Variants in LMBR1 observed in about 807,000 individuals in gnomAD.
LMBR1 encodes limb region 1 protein homolog.
Under a neutral mutation model 73.9 loss-of-function variants are expected in LMBR1, and 52 were observed. The ratio of observed to expected loss-of-function variants is 0.70; its 90% CI spans 0.56 to 0.89. The LOEUF (loss-of-function observed/expected upper bound fraction) is 0.89. LMBR1 is among the 40% of genes least tolerant of loss of function. LMBR1 has a pLI of 0.00. For synonymous variants in LMBR1, 215 were observed against 209.4 expected (o/e 1.03, Z -0.23); for missense variants, 539 against 579.8 (o/e 0.93, Z 0.72).
chr7:156,830,917 G>A lies in LMBR1; in HGVS notation c.179+2836C>T, dbSNP rs1014494601. ...TGAACGAACACAAGCGAACATTCTTGCCCAAGGAGGGCTTATCCTGGACTG... is the reference window on the plus strand; with the variant it reads ...TGAACGAACACAAGCGAACATTCTTACCCAAGGAGGGCTTATCCTGGACTG... On this transcript the variant is annotated intron_variant, in intron 3 of 16. Transcript: ENST00000353442. Among the ~76,000 whole-genome samples, 2 of 152,166 alleles carry A rather than the reference G, an allele frequency of 1.3e-5. 1 individual carries two copies.
Position 156,893,075 on chromosome 7 carries a change from G to C in LMBR1, c.-82C>G. The C allele has an allele frequency of 7.7e-7, 1 of 1,298,278 alleles. No individual in the cohort carries two copies. The allele number at this position is 1,298,278 out of a possible 1,614,324, so 80.4% of individuals were successfully genotyped here. A position where few individuals can be genotyped will look rare whatever the true frequency, so the allele number is the denominator to read the frequency against. On this transcript the variant is annotated 5_prime_UTR_variant, in exon 1 of 17. Coordinates refer to ENST00000353442, the MANE Select transcript of LMBR1 (RefSeq NM_022458.4). ...TCCGCCCGCCGCAGGGGCTCGGACA[G>C]CCGCGCCGGGGACCGGAGCCGGCAC...
At chr7:156,872,661 A>C (rs1323273332) in intron 1 of LMBR1, among the ~76,000 whole-genome samples, 1 of 152,000 alleles carries the variant, frequency 6.6e-6, no homozygotes, top group Non-Finnish European at 1.5e-5. Context: ...AAAAAAAAAC[A>C]ACCTAAGAAT....
intron 1 of LMBR1, among the ~76,000 whole-genome samples, chr7:156,857,991 G>A (rs1797200148): frequency 7.6e-6 from 1 of 132,148 alleles, no homozygotes. Context: ...CTACATTACA[G>A]AAGAAGAAAT....
At chr7:156,888,009 A>G (rs1802206580) in intron 1 of LMBR1, among the ~76,000 whole-genome samples, 1 of 152,180 alleles carries the variant, frequency 6.6e-6, no homozygotes, top group Admixed American at 6.5e-5. Flanking sequence ...ACAGAAAACA[A>G]TGTGTGTTGG....
At chr7:156,870,469 G>C (rs1799103025) in intron 1 of LMBR1, among the ~76,000 whole-genome samples, 1 of 152,106 alleles carries the variant, frequency 6.6e-6, no homozygotes, top group Non-Finnish European at 1.5e-5. Flanking sequence ...AAGGAAATTA[G>C]AAAATATCTC....
At chr7:156,673,515 A>G (rs961529700), downstream of LMBR1, among the ~76,000 whole-genome samples, 6 of 152,238 alleles carry the variant, frequency 3.9e-5, no homozygotes, top group African/African-American at 1.4e-4. Context: ...CTTGGCAATT[A>G]TAATTACATT....
rs367874178 is a variant in LMBR1 at position 156,837,476 on chromosome 7, T to C, written c.67-591A>G. Among the ~76,000 whole-genome samples, 5 of 148,346 alleles carry C rather than the reference T, an allele frequency of 3.4e-5. 1 individual carries two copies. The highest frequency in any genetic ancestry group is 9.8e-5 in the African/African-American group (4 of 40,610). On this transcript the variant is annotated intron_variant, in intron 1 of 16. Transcript: ENST00000353442. Reference sequence around the variant, plus strand: ...CTTGATCCAATGTTTTTCAAAATCATGTGGAAATGTGAAGAATCAGACCAT... The same window carrying C: ...CTTGATCCAATGTTTTTCAAAATCACGTGGAAATGTGAAGAATCAGACCAT...
At chr7:156,835,552 G>A (rs1837461058) in intron 2 of LMBR1, among the ~76,000 whole-genome samples, 1 of 151,806 alleles carries the variant, frequency 6.6e-6, no homozygotes, top group Non-Finnish European at 1.5e-5. Flanking sequence ...AAAATTAGCT[G>A]GGCATGGTAG....
intron 4 of LMBR1, among the ~76,000 whole-genome samples, chr7:156,819,791 G>A (rs756392678): frequency 4.6e-5 from 7 of 152,124 alleles, no homozygotes; most frequent in Non-Finnish European, 8.8e-5. Flanking sequence ...TTTAGCAGAG[G>A]CCCAACTCAG....
rs1803475398 is a variant in LMBR1, at chr7:156,893,096, G to T, written c.-103C>A. 1 of 1,183,050 alleles carries T rather than the reference G, an allele frequency of 8.5e-7. No individual in the cohort carries two copies. The allele number at this position is 1,183,050 out of a possible 1,614,324, so 73.3% of individuals were successfully genotyped here. On this transcript the variant is annotated 5_prime_UTR_variant, in exon 1 of 17. Transcript: ENST00000353442. ...GACAGCCGCGCCGGGGACCGGAGCC[G>T]GCACGGGCCCGCGAGCCGTGTTGGA...
rs2132807976 is a variant in LMBR1, at chr7:156,756,409, G to A, written c.741C>T (p.Leu247=). The A allele has an allele frequency of 2.7e-6, 4 of 1,494,436 alleles. No homozygotes were observed. Among genetic ancestry groups the A allele is most frequent in the East Asian group, 4.6e-5 (2 of 43,920 alleles). The allele number at this position is 1,494,436 out of a possible 1,614,324, so 92.6% of individuals were successfully genotyped here. A position where few individuals can be genotyped will look rare whatever the true frequency, so the allele number is the denominator to read the frequency against. Residue 247 remains leucine, a synonymous_variant, in exon 9 of 17, where the codon CTC becomes CTT. Transcript: ENST00000353442. The stretch of plus-strand genomic sequence containing the variant: ...TAAACATACCATTTAGTCGTCTCTG[G>A]AGTGCTTCTTCCTCTAAGGTAATGA... ...IYIITLEEEA[L]QRRLNGLSSS...
intron 9 of LMBR1, among the ~76,000 whole-genome samples, chr7:156,734,468 T>C (rs1817477559): frequency 6.6e-6 from 1 of 152,112 alleles, no homozygotes; most frequent in African/African-American, 2.4e-5. Flanking sequence ...CACAGAGTGA[T>C]ATAATGGACT....
In LMBR1 at chr7:156,698,171, C is replaced by A. The variant is rs112043926; in HGVS notation, c.1226-9980G>T. 6.8e-4 allele frequency among the ~76,000 whole-genome samples: 103 copies of A among 152,342 alleles called. 1 individual carries two copies. The highest frequency in any genetic ancestry group is 2.5e-3 in the African/African-American group (102 of 41,572). ...TTGACTCCATGTCTCGCATCCAGGTCATGGTGATGCAAGAAGTGGGTTCCC... is the reference window on the plus strand; with the variant it reads ...TTGACTCCATGTCTCGCATCCAGGTAATGGTGATGCAAGAAGTGGGTTCCC... On this transcript the variant is annotated intron_variant, in intron 15 of 16. Transcript: ENST00000353442.
At position 156,682,065 on chromosome 7, in the gene LMBR1, C is replaced by T; in HGVS notation, c.*2013G>A. 6.6e-6 allele frequency: 1 copy of T among 152,430 alleles called. No homozygotes were observed. The highest frequency in any genetic ancestry group is 1.5e-5 in the Non-Finnish European group (1 of 68,086). The allele number at this position is 152,430 out of a possible 1,614,324, so 9.4% of individuals were successfully genotyped here. A position where few individuals can be genotyped will look rare whatever the true frequency, so the allele number is the denominator to read the frequency against. On this transcript the variant is annotated 3_prime_UTR_variant, in exon 17 of 17. Transcript: ENST00000353442. The stretch of plus-strand genomic sequence containing the variant: ...TATGAGTCCCAGGTTCGAAGCCGTC[C>T]TTCCACCCCATGCATATCCTTTGCT...
At chr7:156,771,535 G>A (rs1825184125) in intron 5 of LMBR1, among the ~76,000 whole-genome samples, 1 of 152,112 alleles carries the variant, frequency 6.6e-6, no homozygotes, top group African/African-American at 2.4e-5. Flanking sequence ...ACTGAACCAG[G>A]AAGAAATTCA....
chr7:156,773,358 T>C (rs1427966747), intron 5 of LMBR1, among the ~76,000 whole-genome samples: 1 of 152,106 alleles, frequency 6.6e-6, no homozygotes, highest in Non-Finnish European at 1.5e-5. Flanking sequence ...AAAATTCATA[T>C]GGAACCAAAA....
intron 15 of LMBR1, among the ~76,000 whole-genome samples, chr7:156,693,854 G>C (rs948056830): frequency 6.6e-6 from 1 of 152,126 alleles, no homozygotes; most frequent in Non-Finnish European, 1.5e-5. Flanking sequence ...AAAACTACAG[G>C]GCAGTATTCC....
rs961268498 is a variant in LMBR1 at position 156,670,520 on chromosome 7, A to G, written n.867-1233T>C. Among the ~76,000 whole-genome samples the G allele has an allele frequency of 2.0e-5, 3 of 152,260 alleles. No individual in the cohort carries two copies. Among genetic ancestry groups the G allele is most frequent in the African/African-American group, 7.2e-5 (3 of 41,472 alleles). On this transcript the variant is annotated intron_variant and non_coding_transcript_variant, in intron 4 of 4. Transcript: ENST00000430825. This position sits in a 1 kb window ranked among gnomAD's most constrained non-coding sequence, Gnocchi z 4.3. ...ATTTTCCAGATCTGAAGAAGATACA[A>G]GCCACAGATTTAAGAAGCCCAAGGA... is the stretch of plus-strand genomic sequence containing the variant.
chr7:156,787,112 G>C (rs938257285), intron 5 of LMBR1, among the ~76,000 whole-genome samples: 10 of 152,200 alleles, frequency 6.6e-5, no homozygotes, highest in Middle Eastern at 6.8e-3. Flanking sequence ...CTATCAATGG[G>C]CAAGGTGTGC....
Sources: gnomAD v4.1 joint callset for allele counts (sites outside exome capture counted in the v4.1 genomes callset) on GRCh38, gnomAD v4.1.1 for gene constraint, Gnocchi (gnomAD v3.1) non-coding constraint, MANE v1.5 for transcripts, NCBI Gene and HGNC (gene_info 2026-07-23, HGNC 2026-07-21) for gene names.